WRN: variants seen among roughly 807,000 people sequenced by gnomAD.
WRN encodes WRN RecQ like helicase, also known as bifunctional 3'-5' exonuclease/ATP-dependent helicase WRN.
Under a neutral mutation model 180.7 loss-of-function variants are expected in WRN, and 149 were observed. The observed-to-expected ratio is 0.82, with a 90% CI of 0.72 to 0.94. The LOEUF is 0.94. Among genes scored for constraint, WRN ranks in the 40% least tolerant of loss-of-function variants. The pLI is 0.00. For missense variants in WRN, 1,661 were observed against 1,700.1 expected (o/e 0.98, Z 0.40); for synonymous variants, 548 against 568.9 (o/e 0.96, Z 0.52).
intron 8 of WRN, among the ~76,000 whole-genome samples, chr8:31,079,390 G>T (rs897064211): frequency 6.6e-6 from 1 of 152,082 alleles, no homozygotes; most frequent in African/African-American, 2.4e-5. Context: ...AATATTAGAA[G>T]ACCTAAACAA....
chr8:31,153,931 T>A lies in WRN; in HGVS notation c.3688-693T>A, dbSNP rs540266009. 7.9e-5 allele frequency among the ~76,000 whole-genome samples: 12 copies of A among 152,282 alleles called. No individual in the cohort carries two copies. The East Asian group carries it at 2.1e-3, about 27-fold the overall frequency. Reference sequence around the variant, plus strand: ...TCAAGAGACGAGGCTCTTCTTTAAATTATTAATTTCATCTGTTACAGGTTT... The same window carrying A: ...TCAAGAGACGAGGCTCTTCTTTAAAATATTAATTTCATCTGTTACAGGTTT... On this transcript the variant is annotated intron_variant, in intron 31 of 34. Transcript: ENST00000298139.
chr8:31,042,262 T>G (rs1160756839), intron 1 of WRN, among the ~76,000 whole-genome samples: 2 of 152,158 alleles, frequency 1.3e-5, no homozygotes, highest in Non-Finnish European at 2.9e-5. Flanking sequence ...GGAGGGCTGG[T>G]CAGAAGACTG....
At chr8:31,073,508 T>C (rs1218006960) in intron 7 of WRN, among the ~76,000 whole-genome samples, 2 of 152,182 alleles carry the variant, frequency 1.3e-5, no homozygotes, top group Non-Finnish European at 2.9e-5. Context: ...TTTTAGATGA[T>C]TATTGATATC....
At chr8:31,131,198 G>A (rs1802157146) in intron 23 of WRN, among the ~76,000 whole-genome samples, 1 of 122,942 alleles carries the variant, frequency 8.1e-6, no homozygotes, top group East Asian at 2.4e-4. Context: ...TGTCACCCAG[G>A]CTGGAGTGTA....
chr8:31,042,806 A>G (rs1360193350), intron 1 of WRN, among the ~76,000 whole-genome samples: 2 of 152,238 alleles, frequency 1.3e-5, no homozygotes, highest in Non-Finnish European at 2.9e-5. Context: ...ATGCCTTACA[A>G]TACCCACATA....
rs144670883 is a variant in WRN, at chr8:31,064,308, G to C, written c.229G>C (p.Asp77His). The C allele has an allele frequency of 2.4e-4, 380 of 1,614,048 alleles. No homozygotes were observed. The highest frequency in any genetic ancestry group is 3.0e-4 in the Non-Finnish European group (358 of 1,179,974). Residue 77 changes from aspartate (D) to histidine (H), a missense_variant, in exon 4 of 35, where the codon GAT (aspartate) becomes CAT (histidine). Physicochemically the swap from Asp to His is moderately conservative, Grantham distance 81. Around this residue, in one of 3 missense-constraint regions of WRN, gnomAD observed 500 missense variants for 504.1 expected, o/e 0.99. Transcript: ENST00000298139. ...CTTTAGCATGAGTCTATCAGATGGG[G>C]ATGTGGTGGGATTTGACATGGAGTG... ...EDISMSLSDG[D>H]VVGFDMEWPP...
At chr8:31,164,938 A>G (rs755710620) in intron 33 of WRN, among the ~76,000 whole-genome samples, 3 of 152,152 alleles carry the variant, frequency 2.0e-5, no homozygotes, top group Non-Finnish European at 4.4e-5. Flanking sequence ...AAAACGCAGG[A>G]TGAATTTACC....
chr8:31,132,251 C>G lies in WRN; in HGVS notation c.2826-114C>G. On this transcript the variant is annotated intron_variant, in intron 23 of 34. Coordinates refer to ENST00000298139, the MANE Select transcript of WRN (RefSeq NM_000553.6). ...TGAACTTTATTCATAGCTTCTGAAG[C>G]AGTTGGCACATTTGAGATATTTTTT... is the stretch of plus-strand genomic sequence containing the variant. The G allele has an allele frequency of 2.4e-6, 3 of 1,259,532 alleles. No homozygotes were observed. In the South Asian group the frequency reaches 4.4e-5, roughly 19 times the overall value. 78.0% of individuals were successfully genotyped at this position (1,259,532 alleles called of 1,614,324 possible). A position where few individuals can be genotyped will look rare whatever the true frequency, so the allele number is the denominator to read the frequency against.
intron 33 of WRN, among the ~76,000 whole-genome samples, chr8:31,159,021 G>A (rs560121791): frequency 2.0e-5 from 3 of 152,148 alleles, no homozygotes; most frequent in East Asian, 1.9e-4. Context: ...AGAACAGGCC[G>A]GGCGTGGTGG....
chr8:31,130,899 G>A (rs1390550168), intron 23 of WRN, among the ~76,000 whole-genome samples: 1 of 152,092 alleles, frequency 6.6e-6, no homozygotes, highest in Non-Finnish European at 1.5e-5. Context: ...GGAGTATAAA[G>A]ATAAGAGCTG....
chr8:31,073,220 A>G (rs972454795), intron 7 of WRN, among the ~76,000 whole-genome samples: 2 of 152,250 alleles, frequency 1.3e-5, no homozygotes, highest in Admixed American at 6.5e-5. Flanking sequence ...TTAGGAGGCT[A>G]TTGTAACAGC....
chr8:31,089,376 A>G (rs547294728), intron 13 of WRN, among the ~76,000 whole-genome samples: 26 of 152,142 alleles, frequency 1.7e-4, no homozygotes, highest in African/African-American at 5.8e-4. Context: ...ATCTATTTTA[A>G]TGTACTCAAA....
intron 11 of WRN, among the ~76,000 whole-genome samples, chr8:31,086,469 G>A (rs1009018596): frequency 6.6e-6 from 1 of 152,098 alleles, no homozygotes; most frequent in Non-Finnish European, 1.5e-5. Flanking sequence ...AGCTACTTGG[G>A]AGGCTGAGGT....
intron 23 of WRN, among the ~76,000 whole-genome samples, chr8:31,128,398 T>C (rs768961267): frequency 3.2e-4 from 49 of 152,296 alleles, no homozygotes; most frequent in South Asian, 1.9e-3. Context: ...GCAAATGATA[T>C]GTGTATATAA....
chr8:31,119,045 C>A (rs1469381903), intron 20 of WRN, among the ~76,000 whole-genome samples: 10 of 151,872 alleles, frequency 6.6e-5, no homozygotes, highest in Non-Finnish European at 1.3e-4. Context: ...TTACATATAT[C>A]AAAAAATTGC....
At chr8:31,166,922 ACCTT>A (rs1803901095) in intron 33 of WRN, 96 bp from the exon 34 acceptor site, 3 of 1,228,742 alleles carry the variant, frequency 2.4e-6, no homozygotes, top group Non-Finnish European at 3.4e-6. Flanking sequence ...GCAACCTTCC[ACCTT>A]CCTTTCTACA....
chr8:31,099,842 T>C (rs1323686250), intron 17 of WRN, among the ~76,000 whole-genome samples: 1 of 152,194 alleles, frequency 6.6e-6, no homozygotes, highest in African/African-American at 2.4e-5. Context: ...ATTTAATTTT[T>C]AGAGCATCTA....
At chr8:31,064,778 A>G (rs1159405596) in intron 4 of WRN, 137 bp from the exon 5 acceptor site, 1 of 1,078,934 alleles carries the variant, frequency 9.3e-7, no homozygotes, top group East Asian at 2.6e-5. Context: ...GTTAAGAAAT[A>G]CTCAAGGTCA....
chr8:31,071,231 T>A (rs12544538), intron 7 of WRN, among the ~76,000 whole-genome samples: 65,892 of 151,828 alleles, frequency 0.43, 17,518 homozygotes, highest in Middle Eastern at 0.58. Flanking sequence ...GGAAAGCAGA[T>A]GGGCCATGGT....
Sources: allele counts gnomAD v4.1 joint callset (sites outside exome capture counted in the v4.1 genomes callset), GRCh38; gene constraint gnomAD v4.1.1; regional missense constraint gnomAD v4.1.1; transcripts MANE v1.5; gene names NCBI Gene and HGNC (gene_info 2026-07-23, HGNC 2026-07-21).